Variants in IQGAP2 observed in about 807,000 individuals in gnomAD.
IQGAP2 encodes the protein ras GTPase-activating-like protein IQGAP2.
Under a neutral mutation model 201.3 loss-of-function variants are expected in IQGAP2, and 173 were observed. The observed-to-expected ratio is 0.86, with a 90% confidence interval of 0.76 to 0.98. The LOEUF (loss-of-function observed/expected upper bound fraction) is 0.98. IQGAP2 is among the 50% of genes least tolerant of loss of function. The probability of loss-of-function intolerance (pLI) is 0.00; values close to 1 mark genes in which losing one functional copy is unlikely to be tolerated. For missense variants in IQGAP2, 1,687 were observed against 1,864.8 expected (o/e 0.90, Z 1.76); for synonymous variants, 675 against 673.9 (o/e 1.00, Z -0.03).
rs1745455749 is a variant in IQGAP2, at chr5:76,683,195, G to A, written c.3741G>A (p.Val1247=). Residue 1247 remains valine (V), a synonymous_variant, in exon 29 of 36, where the codon GTG becomes GTA. Transcript: ENST00000274364. ...LSELLGSLGE[V]PTVESFLGEG... is the part of the protein sequence containing the mutation. Reference sequence around the variant, plus strand: ...AATTGCTGGGGTCGCTGGGAGAGGTGCCAACCGTGGAATCTTTTCTTGGTA... The same window carrying A: ...AATTGCTGGGGTCGCTGGGAGAGGTACCAACCGTGGAATCTTTTCTTGGTA... The A allele has an allele frequency of 6.2e-7, 1 of 1,611,512 alleles. No individual in the cohort carries two copies. Among genetic ancestry groups the A allele is most frequent in the African/African-American group, 1.3e-5 (1 of 74,854 alleles).
At chr5:76,647,144 T>C (rs1252093818) in intron 17 of IQGAP2, among the ~76,000 whole-genome samples, 1 of 152,204 alleles carries the variant, frequency 6.6e-6, no homozygotes, top group Non-Finnish European at 1.5e-5. Flanking sequence ...ATGGAATGCA[T>C]GTTCTTTTCC....
At chr5:76,429,754 A>C (rs994051578) in intron 1 of IQGAP2, among the ~76,000 whole-genome samples, 4 of 151,358 alleles carry the variant, frequency 2.6e-5, no homozygotes, top group Non-Finnish European at 5.9e-5. Context: ...TCAATCTATG[A>C]AAGTCTTTGT....
At chr5:76,683,939 C>T (rs770735429) in intron 30 of IQGAP2, 22 bp downstream of exon 30, 6 of 1,594,694 alleles carry the variant, frequency 3.8e-6, no homozygotes, top group Non-Finnish European at 5.1e-6. Context: ...GGTTAAAGGG[C>T]ACATGTCTCC....
chr5:76,549,096 G>A (rs1375546351), intron 2 of IQGAP2, among the ~76,000 whole-genome samples: 3 of 152,140 alleles, frequency 2.0e-5, no homozygotes, highest in Admixed American at 6.5e-5. Context: ...GGCATGGTCT[G>A]GGATATGGTG....
chr5:76,524,102 A>T (rs983107731), intron 2 of IQGAP2, among the ~76,000 whole-genome samples: 1 of 152,296 alleles, frequency 6.6e-6, no homozygotes, highest in Admixed American at 6.5e-5. Context: ...ACTCTCTGTT[A>T]GGAGAAGGCC....
At chr5:76,502,125 A>G (rs942090748) in intron 2 of IQGAP2, among the ~76,000 whole-genome samples, 1 of 152,194 alleles carries the variant, frequency 6.6e-6, no homozygotes, top group African/African-American at 2.4e-5. Flanking sequence ...AGCTGACTAG[A>G]AAGTCGCCTG....
chr5:76,659,630 C>T (rs932008536), intron 21 of IQGAP2, among the ~76,000 whole-genome samples: 2 of 152,174 alleles, frequency 1.3e-5, no homozygotes, highest in South Asian at 4.1e-4. Context: ...CAAACAGAAT[C>T]TTGACCCACG....
At chr5:76,651,858 T>C (rs1461049670) in intron 17 of IQGAP2, among the ~76,000 whole-genome samples, 1 of 152,178 alleles carries the variant, frequency 6.6e-6, no homozygotes, top group Non-Finnish European at 1.5e-5. Context: ...TACAAAAATA[T>C]TATTTTTTTG....
At chr5:76,488,028 C>T (rs1561409145) in intron 2 of IQGAP2, among the ~76,000 whole-genome samples, 1 of 152,292 alleles carries the variant, frequency 6.6e-6, no homozygotes, top group Non-Finnish European at 1.5e-5. Flanking sequence ...CACCCCTTGC[C>T]GTTCATGTGA....
At chr5:76,463,124 A>G (rs1420790170) in intron 2 of IQGAP2, among the ~76,000 whole-genome samples, 1 of 20,396 alleles carries the variant, frequency 4.9e-5, no homozygotes, top group Non-Finnish European at 1.4e-4. Flanking sequence ...CGCTGTCTTT[A>G]AAAAAAAAAA....
chr5:76,509,988 T>C lies in IQGAP2; in HGVS notation c.146+48319T>C, dbSNP rs1257565015. ...TTTAAATGATTAATTTTCTTTCTTT[T>C]TTTTTTTTTTTTGTTTGTTTTTTAG... is the stretch of plus-strand genomic sequence containing the variant. On this transcript the variant is annotated intron_variant, in intron 2 of 35. Coordinates refer to ENST00000274364, the MANE Select transcript of IQGAP2 (RefSeq NM_006633.5). Among the ~76,000 whole-genome samples the C allele has an allele frequency of 1.1e-4, 16 of 149,690 alleles. No individual in the cohort carries two copies. In the East Asian group the frequency reaches 1.2e-3, roughly 11 times the overall value.
intron 2 of IQGAP2, among the ~76,000 whole-genome samples, chr5:76,509,029 A>ATG (rs70982616): frequency 0.24 from 35,580 of 148,672 alleles, 4,543 homozygotes; most frequent in Middle Eastern, 0.41. Flanking sequence ...CTGTATATAT[A>ATG]TGTGTGTGTG....
chr5:76,674,657 G>T lies in IQGAP2; in HGVS notation c.3475G>T (p.Glu1159Ter). The T allele has an allele frequency of 6.2e-7, 1 of 1,614,114 alleles. No homozygotes were observed. The highest frequency in any genetic ancestry group is 1.1e-5 in the South Asian group (1 of 91,060). The change falls in exon 27 of 36, where the codon GAG becomes TAG. Residue 1159 changes from glutamate to a stop codon, truncating the protein, a stop_gained. Coordinates refer to ENST00000274364, the MANE Select transcript of IQGAP2 (RefSeq NM_006633.5). LOFTEE classifies it high-confidence loss of function. ...ASNKLFEGEN[E>*]HLSSMNNYLS... ...CAACAAGCTGTTTGAAGGAGAAAAT[G>T]AGCATCTCTCATCTATGAACAATTA...
intron 1 of IQGAP2, among the ~76,000 whole-genome samples, chr5:76,428,621 CG>C (rs1752150953): frequency 6.6e-6 from 1 of 150,862 alleles, no homozygotes; most frequent in Non-Finnish European, 1.5e-5. Context: ...TTAGTAGAGA[CG>C]GGGTTTCACC....
Position 76,474,591 on chromosome 5 carries a change from A to G in IQGAP2, c.146+12922A>G, listed in dbSNP as rs942865287. 4.6e-5 allele frequency among the ~76,000 whole-genome samples: 7 copies of G among 152,236 alleles called. No homozygotes were observed. The East Asian group carries it at 1.4e-3, about 29-fold the overall frequency. The stretch of plus-strand genomic sequence containing the variant: ...CTTTTTTGTTTGTTTGTTTTTTCCC[A>G]TCGTGTGATTTGTAATACACAGCTT... On this transcript the variant is annotated intron_variant, in intron 2 of 35. Coordinates refer to ENST00000274364, the MANE Select transcript of IQGAP2 (RefSeq NM_006633.5).
At chr5:76,500,470 A>G (rs531515403) in intron 2 of IQGAP2, among the ~76,000 whole-genome samples, 1 of 152,324 alleles carries the variant, frequency 6.6e-6, no homozygotes, top group South Asian at 2.1e-4. Flanking sequence ...GTAGTAAGAC[A>G]TTTTGGTGTC....
chr5:76,415,655 A>G (rs1660344874), intron 1 of IQGAP2, among the ~76,000 whole-genome samples: 1 of 152,216 alleles, frequency 6.6e-6, no homozygotes, highest in East Asian at 1.9e-4. Flanking sequence ...ATAATTTGTG[A>G]AAGGGGCCAG....
At chr5:76,699,079 T>G (rs1189140819) in intron 33 of IQGAP2, among the ~76,000 whole-genome samples, 2 of 152,144 alleles carry the variant, frequency 1.3e-5, no homozygotes, top group African/African-American at 2.4e-5. Flanking sequence ...AAAAAAAAAC[T>G]GATTCCTCCT....
chr5:76,463,781 G>C (rs368742637), intron 2 of IQGAP2, among the ~76,000 whole-genome samples: 1 of 151,878 alleles, frequency 6.6e-6, no homozygotes, highest in African/African-American at 2.4e-5. Context: ...TATTTGATGA[G>C]TATATTAGAT....
Sources: allele counts gnomAD v4.1 joint callset (sites outside exome capture counted in the v4.1 genomes callset), GRCh38; gene constraint gnomAD v4.1.1; transcripts MANE v1.5; gene names NCBI Gene and HGNC (gene_info 2026-07-23, HGNC 2026-07-21).